Variants in ABI2 observed in about 807,000 individuals in gnomAD.
The protein encoded by ABI2 is abelson interactor 2.
In ABI2, 25 loss-of-function variants were observed where a neutral mutation model predicts 59.2. The observed-to-expected ratio is 0.42, with a 90% CI of 0.31 to 0.59. The LOEUF (loss-of-function observed/expected upper bound fraction) is 0.59, where lower values mean the gene tolerates loss of function less well. Among genes scored for constraint, ABI2 ranks in the 20% least tolerant of loss-of-function variants. The pLI is 0.14. For synonymous variants in ABI2, 213 were observed against 235.5 expected, an observed-to-expected ratio of 0.90 and a Z score of 0.87; for missense variants, 545 against 681.8, an observed-to-expected ratio of 0.80 and a Z score of 2.23.
chr2:203,337,560 A>G lies in ABI2; in HGVS notation c.117+8929A>G, dbSNP rs568717417. Among the ~76,000 whole-genome samples, 9 of 152,360 alleles carry G rather than the reference A, an allele frequency of 5.9e-5. No homozygotes were observed. The South Asian group carries it at 1.9e-3, about 32-fold the overall frequency. On this transcript the variant is annotated intron_variant, in intron 1 of 11. Transcript: ENST00000261018. ...GATTTGATATTGTTAACATGTCCATACTACACAAAGCCATCTACAGATTTA... is the reference window on the plus strand; with the variant it reads ...GATTTGATATTGTTAACATGTCCATGCTACACAAAGCCATCTACAGATTTA...
Position 203,382,437 on chromosome 2 carries a change from C to T in ABI2, c.480+231C>T, listed in dbSNP as rs183775604. Reference sequence around the variant, plus strand: ...TCCTTGTGCCTAGAACAGTACCTGACACACATTAGGTGCTTAGTAAATATT... The same window carrying T: ...TCCTTGTGCCTAGAACAGTACCTGATACACATTAGGTGCTTAGTAAATATT... On this transcript the variant is annotated intron_variant, in intron 4 of 11. Coordinates refer to ENST00000261018, the MANE Select transcript of ABI2 (RefSeq NM_001375670.1). Among the ~76,000 whole-genome samples, 188 of 152,292 alleles carry T rather than the reference C, an allele frequency of 1.2e-3. 1 individual carries two copies. The highest frequency in any genetic ancestry group is 2.2e-3 in the Non-Finnish European group (151 of 68,024).
intron 9 of ABI2, among the ~76,000 whole-genome samples, chr2:203,408,572 G>A (rs1369115907): frequency 6.6e-6 from 1 of 151,360 alleles, no homozygotes; most frequent in Non-Finnish European, 1.5e-5. Context: ...CCCACAAAAA[G>A]ACTGCTGTAG....
At chr2:203,337,425 T>C (rs1387868291) in intron 1 of ABI2, among the ~76,000 whole-genome samples, 1 of 152,190 alleles carries the variant, frequency 6.6e-6, no homozygotes, top group African/African-American at 2.4e-5. Flanking sequence ...TAGGAATAAA[T>C]GTAATCAAGG....
chr2:203,410,427 C>T (rs1205157083), intron 9 of ABI2, among the ~76,000 whole-genome samples: 1 of 151,558 alleles, frequency 6.6e-6, no homozygotes, highest in Non-Finnish European at 1.5e-5. Flanking sequence ...CTTTTTTTTG[C>T]CGCTTTAGTT....
intron 11 of ABI2, 80 bp from the exon 12 acceptor site, chr2:203,427,097 A>ATAGC: frequency 1.6e-6 from 2 of 1,253,760 alleles, no homozygotes; most frequent in Admixed American, 3.9e-5. Context: ...TTGGGAACAG[A>ATAGC]TAGCTATTCA....
chr2:203,394,166 T>A (rs1483860703), intron 5 of ABI2, among the ~76,000 whole-genome samples: 1 of 152,220 alleles, frequency 6.6e-6, no homozygotes, highest in Non-Finnish European at 1.5e-5. Flanking sequence ...TATTTTTGTA[T>A]ATAGATATAC....
chr2:203,365,355 G>T (rs989531468), intron 1 of ABI2, among the ~76,000 whole-genome samples: 1 of 152,088 alleles, frequency 6.6e-6, no homozygotes, highest in Non-Finnish European at 1.5e-5. Flanking sequence ...TGTACTATAT[G>T]AATGTATTGT....
intron 10 of ABI2, 121 bp downstream of exon 10, chr2:203,411,492 T>A (rs1010200461): frequency 6.4e-6 from 5 of 779,020 alleles, no homozygotes; most frequent in Non-Finnish European, 1.0e-5. Context: ...TATGAACAAA[T>A]CACTGTCTGG....
At chr2:203,376,070 G>A (rs559001351) in intron 2 of ABI2, 61 of 1,534,498 alleles carry the variant, frequency 4.0e-5, no homozygotes, top group Middle Eastern at 1.7e-4. Context: ...AATTAGAGGC[G>A]TTGATCTTGA....
At chr2:203,407,888 A>C (rs981137623) in intron 9 of ABI2, among the ~76,000 whole-genome samples, 1 of 152,130 alleles carries the variant, frequency 6.6e-6, no homozygotes, top group South Asian at 2.1e-4. Context: ...TTTCAGCTCA[A>C]CTCCAAGAAA....
chr2:203,377,811 C>T (rs940615972), intron 2 of ABI2, among the ~76,000 whole-genome samples: 2 of 152,096 alleles, frequency 1.3e-5, no homozygotes, highest in African/African-American at 2.4e-5. Flanking sequence ...GAAGCTCAGG[C>T]GGGAGAATCA....
rs2098486119 is a variant in ABI2, at chr2:203,431,836, T to C, written c.*4484T>C. The C allele has an allele frequency of 6.6e-6, 1 of 152,230 alleles. No homozygotes were observed. Among genetic ancestry groups the C allele is most frequent in the African/African-American group, 2.4e-5 (1 of 41,452 alleles). 9.4% of individuals were successfully genotyped at this position (152,230 alleles called of 1,614,324 possible). A position where few individuals can be genotyped will look rare whatever the true frequency, so the allele number is the denominator to read the frequency against. On this transcript the variant is annotated 3_prime_UTR_variant, in exon 12 of 12. Transcript: ENST00000261018. The stretch of plus-strand genomic sequence containing the variant: ...TTTTCACATTAAAATGAAACCTCTT[T>C]TGCAACTTAAGAATTCTATGGAAAA...
At chr2:203,354,795 C>T (rs1182018642) in intron 1 of ABI2, among the ~76,000 whole-genome samples, 1 of 152,172 alleles carries the variant, frequency 6.6e-6, no homozygotes, top group Non-Finnish European at 1.5e-5. Flanking sequence ...TTATATTGGT[C>T]TGTAAACATG....
At chr2:203,338,963 AAT>A (rs1491155859) in intron 1 of ABI2, among the ~76,000 whole-genome samples, 3 of 9,992 alleles carry the variant, frequency 3.0e-4, no homozygotes, top group African/African-American at 1.1e-3. Flanking sequence ...TATATATATA[AAT>A]ATATATATAT....
rs1435547868 is a variant in ABI2 at position 203,382,173 on chromosome 2, C to T, written c.463-16C>T. ...TTTTTCCTTACCTCTTTTATTTGCT[C>T]CATTTATGCATTAAGTGGTTGCTTA... On this transcript the variant is annotated splice_polypyrimidine_tract_variant and intron_variant, in intron 3 of 11. Transcript: ENST00000261018. 6.6e-7 allele frequency: 1 copy of T among 1,524,752 alleles called. No individual in the cohort carries two copies. The highest frequency in any genetic ancestry group is 8.8e-7 in the Non-Finnish European group (1 of 1,141,962). 94.5% of individuals were successfully genotyped at this position (1,524,752 alleles called of 1,614,324 possible).
Position 203,383,966 on chromosome 2 carries a change from A to G in ABI2, c.480+1760A>G, listed in dbSNP as rs372111114. On this transcript the variant is annotated intron_variant, in intron 4 of 11. Coordinates refer to ENST00000261018, the MANE Select transcript of ABI2 (RefSeq NM_001375670.1). ...GACAGTCTCCAGAGAAAGTCATCAT[A>G]CTTTAGGACCAGACATGTGGGATTT... 9.2e-5 allele frequency among the ~76,000 whole-genome samples: 14 copies of G among 152,210 alleles called. No homozygotes were observed. The East Asian group carries it at 2.3e-3, about 25-fold the overall frequency.
At chr2:203,364,360 T>TTGGGATTACAG (rs1347054624) in intron 1 of ABI2, among the ~76,000 whole-genome samples, 4 of 151,982 alleles carry the variant, frequency 2.6e-5, no homozygotes, top group African/African-American at 9.7e-5. Flanking sequence ...TCCCAAAGTG[T>TTGGGATTACAG]TGGGATTACA....
chr2:203,394,572 A>G (rs1187955498), intron 5 of ABI2, 128 bp from the exon 6 acceptor site: 11 of 857,482 alleles, frequency 1.3e-5, no homozygotes, highest in Non-Finnish European at 2.0e-5. Context: ...TGAAATTGGT[A>G]GCTGGGTTAT....
At chr2:203,336,477 T>C (rs1352419210) in intron 1 of ABI2, among the ~76,000 whole-genome samples, 1 of 152,194 alleles carries the variant, frequency 6.6e-6, no homozygotes, top group African/African-American at 2.4e-5. Context: ...TGAAGCCCTT[T>C]CTCAATCTCT....
Sources: allele counts gnomAD v4.1 joint callset (sites outside exome capture counted in the v4.1 genomes callset), GRCh38; gene constraint gnomAD v4.1.1; transcripts MANE v1.5; gene names NCBI Gene and HGNC (gene_info 2026-07-23, HGNC 2026-07-21).